Variants in TMEM200A observed in about 807,000 individuals in gnomAD.
TMEM200A encodes transmembrane protein 200A, also known as two transmembrane C.
TMEM200A carries 12 observed loss-of-function variants against 24.3 expected under a neutral mutation model. That is an observed-to-expected ratio of 0.49 (90% CI 0.32 to 0.80). The LOEUF (loss-of-function observed/expected upper bound fraction) is 0.80. Among genes scored for constraint, TMEM200A ranks in the 30% least tolerant of loss-of-function variants. The probability of loss-of-function intolerance (pLI) is 0.04; values close to 1 mark genes in which losing one functional copy is unlikely to be tolerated. For missense variants in TMEM200A, 545 were observed against 614.4 expected, an observed-to-expected ratio of 0.89 and a Z score of 1.19; for synonymous variants, 224 against 224.4, an observed-to-expected ratio of 1.00 and a Z score of 0.02.
At chr6:130,421,445 A>G (rs908575920) in intron 2 of TMEM200A, 1 of 152,094 alleles carries the variant, frequency 6.6e-6, no homozygotes, top group Non-Finnish European at 1.5e-5. Flanking sequence ...TTTGATATAC[A>G]TATACACAGT....
Position 130,441,140 on chromosome 6 carries a change from G to T in TMEM200A, c.718G>T (p.Gly240Trp), listed in dbSNP as rs1780159376. Residue 240 changes from glycine to tryptophan, a missense_variant, in exon 3 of 3, where the codon GGG (glycine) becomes TGG (tryptophan). By Grantham distance (184) the Gly-to-Trp change is radical (BLOSUM62 -2). Coordinates refer to ENST00000296978, the MANE Select transcript of TMEM200A (RefSeq NM_001258277.2). Reference protein sequence around the residue: ...ELMLNEGKSSGHLMPPLLSDS... With the variant: ...ELMLNEGKSSWHLMPPLLSDS... ...TATGTTAAATGAAGGTAAGAGTTCTGGGCATCTTATGCCCCCTTTGCTCTC... is the reference window on the plus strand; with the variant it reads ...TATGTTAAATGAAGGTAAGAGTTCTTGGCATCTTATGCCCCCTTTGCTCTC... The T allele has an allele frequency of 6.2e-7, 1 of 1,613,910 alleles. No individual in the cohort carries two copies. The highest frequency in any genetic ancestry group is 1.3e-5 in the African/African-American group (1 of 74,904).
intron 1 of TMEM200A, among the ~76,000 whole-genome samples, chr6:130,367,529 T>G (rs1160528826): frequency 2.0e-5 from 3 of 152,234 alleles, no homozygotes; most frequent in Non-Finnish European, 4.4e-5. Flanking sequence ...TATGGAACAC[T>G]TATAAAAAGA....
chr6:130,413,563 G>T (rs185526707), intron 2 of TMEM200A, among the ~76,000 whole-genome samples: 5 of 152,040 alleles, frequency 3.3e-5, no homozygotes, highest in African/African-American at 1.2e-4. Context: ...CCTTTCACCC[G>T]CCATGTGGTG....
At chr6:130,406,395 C>T (rs1779211686) in intron 2 of TMEM200A, among the ~76,000 whole-genome samples, 1 of 152,034 alleles carries the variant, frequency 6.6e-6, no homozygotes. Flanking sequence ...GTTGATTCCC[C>T]CTTGCATTTC....
At chr6:130,416,764 G>T (rs1028672118) in intron 2 of TMEM200A, among the ~76,000 whole-genome samples, 2 of 152,032 alleles carry the variant, frequency 1.3e-5, no homozygotes, top group Non-Finnish European at 2.9e-5. Context: ...TTCTATCTCT[G>T]CTAGAAGAGA....
chr6:130,430,360 G>A (rs1039915784), intron 2 of TMEM200A, among the ~76,000 whole-genome samples: 3 of 152,002 alleles, frequency 2.0e-5, no homozygotes, highest in African/African-American at 7.3e-5. Flanking sequence ...TTTCAACATA[G>A]GAATTTTGGA....
intron 2 of TMEM200A, among the ~76,000 whole-genome samples, chr6:130,426,473 C>T (rs1779746780): frequency 7.0e-6 from 1 of 142,536 alleles, no homozygotes; most frequent in Admixed American, 7.1e-5. Context: ...CCCCCCCCCT[C>T]AGTTTCCCTT....
At chr6:130,380,286 T>A (rs1778563955) in intron 1 of TMEM200A, among the ~76,000 whole-genome samples, 1 of 152,230 alleles carries the variant, frequency 6.6e-6, no homozygotes, top group Admixed American at 6.5e-5. Context: ...AATATAATCT[T>A]ACTGTCAACT....
At chr6:130,412,207 T>C (rs1779348248) in intron 2 of TMEM200A, among the ~76,000 whole-genome samples, 1 of 151,996 alleles carries the variant, frequency 6.6e-6, no homozygotes, top group African/African-American at 2.4e-5. Flanking sequence ...TTTTTTTCTT[T>C]TTAGTGGAAA....
intron 2 of TMEM200A, among the ~76,000 whole-genome samples, chr6:130,396,520 T>C (rs980090126): frequency 6.6e-6 from 1 of 151,978 alleles, no homozygotes; most frequent in African/African-American, 2.4e-5. Context: ...ATCAGATATT[T>C]TGGAAAAAAT....
rs1382370777 is a variant in TMEM200A, at chr6:130,441,568, T to G, written c.1146T>G (p.Phe382Leu). The change falls in exon 3 of 3, where the codon TTT (phenylalanine) becomes TTG (leucine). Residue 382 changes from phenylalanine to leucine, a missense_variant. Physicochemically the swap from Phe to Leu is conservative, Grantham distance 22. Coordinates refer to ENST00000296978, the MANE Select transcript of TMEM200A (RefSeq NM_001258277.2). Reference sequence around the variant, plus strand: ...CTCCTGGGGCTGCCAGAAGACAGTTTGGGTCCAATACATCCTTGCATTTGC... The same window carrying G: ...CTCCTGGGGCTGCCAGAAGACAGTTGGGGTCCAATACATCCTTGCATTTGC... Reference protein sequence around the residue: ...LLSPGAARRQFGSNTSLHLLS... With the variant: ...LLSPGAARRQLGSNTSLHLLS... 6.2e-7 allele frequency: 1 copy of G among 1,614,060 alleles called. No homozygotes were observed. The highest frequency in any genetic ancestry group is 1.1e-5 in the South Asian group (1 of 91,082).
chr6:130,369,125 C>T (rs888194589), intron 1 of TMEM200A, among the ~76,000 whole-genome samples: 2 of 152,074 alleles, frequency 1.3e-5, no homozygotes, highest in Non-Finnish European at 2.9e-5. Context: ...GACATCTGAC[C>T]TAACATTGAT....
rs539907932 is a variant in TMEM200A at position 130,434,166 on chromosome 6, T to TCC, written c.-16-6240_-16-6239insCC. Among the ~76,000 whole-genome samples, 509 of 152,332 alleles carry TCC rather than the reference T, an allele frequency of 3.3e-3. 3 individuals are homozygous for TCC. Among genetic ancestry groups the TCC allele is most frequent in the African/African-American group, 0.012 (491 of 41,580 alleles). On this transcript the variant is annotated intron_variant, in intron 2 of 2. Transcript: ENST00000296978. ...ATACTCAAACCTTCATCAACTCAGT[T>TCC]CACAGTCAACAGATACTTACTGAGC...
intron 1 of TMEM200A, among the ~76,000 whole-genome samples, chr6:130,383,675 A>C (rs1407562010): frequency 6.6e-6 from 1 of 152,214 alleles, no homozygotes; most frequent in South Asian, 2.1e-4. Context: ...AAAAATGAAT[A>C]TGAAGACATG....
At chr6:130,437,972 A>G (rs1297060005) in intron 2 of TMEM200A, 1 of 152,188 alleles carries the variant, frequency 6.6e-6, no homozygotes, top group African/African-American at 2.4e-5. Context: ...TTTAAATTAA[A>G]TGAAACGTTT....
chr6:130,442,896 C>T lies in TMEM200A; in HGVS notation c.*998C>T, dbSNP rs899829947. Reference sequence around the variant, plus strand: ...TTTTTACCTTCATATGCCACTATCTCGGTAGTTCAAAAAAATTTAGTTCTT... The same window carrying T: ...TTTTTACCTTCATATGCCACTATCTTGGTAGTTCAAAAAAATTTAGTTCTT... On this transcript the variant is annotated 3_prime_UTR_variant, in exon 3 of 3. Transcript: ENST00000296978. 4.2e-5 allele frequency: 7 copies of T among 165,788 alleles called. No individual in the cohort carries two copies. The highest frequency in any genetic ancestry group is 8.8e-5 in the Non-Finnish European group (6 of 67,852). The allele number at this position is 165,788 out of a possible 1,614,324, so 10.3% of individuals were successfully genotyped here.
intron 1 of TMEM200A, among the ~76,000 whole-genome samples, chr6:130,372,229 AG>A (rs1279615878): frequency 2.0e-5 from 3 of 152,188 alleles, no homozygotes; most frequent in Non-Finnish European, 4.4e-5. Flanking sequence ...GGAAATCAGG[AG>A]GGGCATATGG....
At chr6:130,372,384 G>A (rs1210956832) in intron 1 of TMEM200A, among the ~76,000 whole-genome samples, 2 of 152,144 alleles carry the variant, frequency 1.3e-5, no homozygotes, top group African/African-American at 2.4e-5. Context: ...CTCAGTACAG[G>A]ATCTCTATCA....
Position 130,440,856 on chromosome 6 carries a change from C to CCATT in TMEM200A, c.436_439dup (p.Leu147HisfsTer4). 1 of 1,613,966 alleles carries CCATT rather than the reference C, an allele frequency of 6.2e-7. No individual in the cohort carries two copies. Among genetic ancestry groups the CCATT allele is most frequent in the East Asian group, 2.2e-5 (1 of 44,824 alleles). ...ATTTTCATTTTCATTTGTGCTAATG[C>CCATT]CATTCTTCATGAAAACCGTGACAAA... On this transcript the variant is annotated frameshift_variant, in exon 3 of 3. Transcript: ENST00000296978. LOFTEE classifies it high-confidence loss of function.
Sources: allele counts gnomAD v4.1 joint callset (sites outside exome capture counted in the v4.1 genomes callset), GRCh38; gene constraint gnomAD v4.1.1; transcripts MANE v1.5; gene names NCBI Gene and HGNC (gene_info 2026-07-23, HGNC 2026-07-21).